Variants in NECAB1 observed in about 807,000 individuals in gnomAD.
The protein encoded by NECAB1 is N-terminal EF-hand calcium-binding protein 1.
A neutral mutation model predicts 57.5 loss-of-function variants in NECAB1; 29 were observed. The ratio of observed to expected loss-of-function variants is 0.50; its 90% CI spans 0.38 to 0.69. The LOEUF (loss-of-function observed/expected upper bound fraction) is 0.69, where lower values mean the gene tolerates loss of function less well. NECAB1 is among the 30% of genes least tolerant of loss of function. NECAB1 has a pLI of 0.00. For missense variants in NECAB1, 372 were observed against 413.8 expected, an observed-to-expected ratio of 0.90 and a Z score of 0.88; for synonymous variants, 142 against 147.7, an observed-to-expected ratio of 0.96 and a Z score of 0.28.
chr8:90,830,362 G>T (rs1812283262), intron 3 of NECAB1, among the ~76,000 whole-genome samples: 1 of 152,070 alleles, frequency 6.6e-6, no homozygotes, highest in Non-Finnish European at 1.5e-5. Flanking sequence ...ACTCAGCTAA[G>T]CAAGTGTGGT....
intron 3 of NECAB1, among the ~76,000 whole-genome samples, chr8:90,833,063 G>A (rs542807539): frequency 1.3e-5 from 2 of 152,102 alleles, no homozygotes; most frequent in African/African-American, 4.8e-5. Flanking sequence ...TATCTATTAT[G>A]TAGGGTTTTT....
intron 3 of NECAB1, among the ~76,000 whole-genome samples, chr8:90,838,804 A>G (rs1245524357): frequency 6.6e-6 from 1 of 152,294 alleles, no homozygotes; most frequent in South Asian, 2.1e-4. Context: ...TTCCAAACTC[A>G]TGACAGAAAT....
chr8:90,871,404 C>A (rs754223360), intron 3 of NECAB1, among the ~76,000 whole-genome samples: 2 of 151,940 alleles, frequency 1.3e-5, no homozygotes, highest in Non-Finnish European at 2.9e-5. Context: ...TGTACCATAC[C>A]TTTCTTGGTA....
At chr8:90,897,647 AC>A (rs1308973835) in intron 5 of NECAB1, among the ~76,000 whole-genome samples, 1 of 152,366 alleles carries the variant, frequency 6.6e-6, no homozygotes, top group East Asian at 1.9e-4. Context: ...AAAACAAAAA[AC>A]TATCAATTCT....
chr8:90,946,731 C>A (rs938104755), intron 10 of NECAB1, among the ~76,000 whole-genome samples: 1 of 152,162 alleles, frequency 6.6e-6, no homozygotes, highest in Non-Finnish European at 1.5e-5. Flanking sequence ...CCTGAAGATG[C>A]AAATGTTTTC....
intron 10 of NECAB1, among the ~76,000 whole-genome samples, chr8:90,947,255 G>A (rs528324939): frequency 1.1e-4 from 15 of 142,184 alleles, no homozygotes; most frequent in South Asian, 4.5e-4. Flanking sequence ...ATAGCTACTC[G>A]CCCAATAAAA....
Position 90,951,189 on chromosome 8 carries a change from A to G in NECAB1, c.1015A>G (p.Thr339Ala), listed in dbSNP as rs1810917067. The G allele has an allele frequency of 2.5e-6, 4 of 1,587,330 alleles. No homozygotes were observed. Among genetic ancestry groups the G allele is most frequent in the African/African-American group, 1.4e-5 (1 of 73,760 alleles). The stretch of plus-strand genomic sequence containing the variant: ...CTTGGAAACTCCAGAACTCACATCT[A>G]CAATGCTAGTTCCTGGTAATTATCC... ...DFLETPELTSTMLVPASWWIL... is the reference protein window; with the variant it reads ...DFLETPELTSAMLVPASWWIL... The change falls in exon 12 of 13, where the codon ACA becomes GCA. Residue 339 changes from threonine (T) to alanine (A), a missense_variant. Physicochemically the swap from Thr to Ala is moderately conservative, Grantham distance 58. Transcript: ENST00000417640.
intron 3 of NECAB1, among the ~76,000 whole-genome samples, chr8:90,869,356 G>C (rs772909577): frequency 1.3e-5 from 2 of 152,178 alleles, no homozygotes; most frequent in African/African-American, 2.4e-5. Flanking sequence ...GGCCATCATC[G>C]TCCAGACCCC....
chr8:90,952,221 G>GAA (rs200527568), intron 12 of NECAB1, among the ~76,000 whole-genome samples: 4 of 137,934 alleles, frequency 2.9e-5, no homozygotes, highest in African/African-American at 2.6e-5. Flanking sequence ...GGCCAGGGAA[G>GAA]AAAAAAAAAA....
At chr8:90,823,436 T>C (rs1812177276) in intron 2 of NECAB1, among the ~76,000 whole-genome samples, 1 of 151,874 alleles carries the variant, frequency 6.6e-6, no homozygotes, top group Admixed American at 6.6e-5. Flanking sequence ...AAAAAATAAG[T>C]AATTCTATGA....
intron 7 of NECAB1, among the ~76,000 whole-genome samples, chr8:90,926,271 G>C (rs143621489): frequency 3.5e-4 from 54 of 152,234 alleles, no homozygotes; most frequent in African/African-American, 1.2e-3. Flanking sequence ...TCACTTGAAC[G>C]TGTCATTTTA....
chr8:90,898,668 A>G (rs570328249), intron 5 of NECAB1, among the ~76,000 whole-genome samples: 1 of 152,264 alleles, frequency 6.6e-6, no homozygotes, highest in Non-Finnish European at 1.5e-5. Flanking sequence ...CACTTAATTC[A>G]GTGTTTATTG....
chr8:90,941,076 C>A (rs555430664), intron 10 of NECAB1, among the ~76,000 whole-genome samples, 178 bp downstream of exon 10: 1 of 152,302 alleles, frequency 6.6e-6, no homozygotes, highest in Admixed American at 6.5e-5. Flanking sequence ...TGAATGTTTT[C>A]TCTTTAATCT....
At chr8:90,934,844 G>A (rs1315441288) in intron 9 of NECAB1, among the ~76,000 whole-genome samples, 1 of 152,134 alleles carries the variant, frequency 6.6e-6, no homozygotes, top group African/African-American at 2.4e-5. Context: ...CTAGGGACAA[G>A]ATGTCCATCC....
chr8:90,953,107 C>A (rs532002832), intron 12 of NECAB1, among the ~76,000 whole-genome samples: 1 of 152,128 alleles, frequency 6.6e-6, no homozygotes, highest in Non-Finnish European at 1.5e-5. Context: ...CTCTCCCAAA[C>A]CAATGTGGAA....
intron 2 of NECAB1, among the ~76,000 whole-genome samples, chr8:90,815,845 A>AT (rs932039045): frequency 7.9e-5 from 12 of 151,892 alleles, no homozygotes; most frequent in African/African-American, 2.9e-4. Context: ...TTTGTTTCCC[A>AT]TTTTTTGTGA....
At position 90,956,943 on chromosome 8, in the gene NECAB1, CGTGTGTGTGTGTGTGTGTGTGTGTGT is replaced by C. The variant is rs66645266; in HGVS notation, c.*1448_*1473del. On this transcript the variant is annotated 3_prime_UTR_variant, in exon 13 of 13. Coordinates refer to ENST00000417640, the MANE Select transcript of NECAB1 (RefSeq NM_022351.5). Reference sequence around the variant, plus strand: ...AATTTTGATATATTGTACATACACACGTGTGTGTGTGTGTGTGTGTGTGTGTGTGTGTGTGTGTGTGTATTTGTGTG... The same window carrying C: ...AATTTTGATATATTGTACATACACACGTGTGTGTGTGTGTGTATTTGTGTG... 2,092 of 143,446 alleles carry C rather than the reference CGTGTGTGTGTGTGTGTGTGTGTGTGT, an allele frequency of 0.015. 29 individuals carry two copies. The highest frequency in any genetic ancestry group is 0.025 in the Non-Finnish European group (1,616 of 65,238). The allele number at this position is 143,446 out of a possible 1,614,324, so 8.9% of individuals were successfully genotyped here.
intron 5 of NECAB1, among the ~76,000 whole-genome samples, chr8:90,889,339 A>C (rs936284710): frequency 6.6e-6 from 1 of 152,238 alleles, no homozygotes; most frequent in Non-Finnish European, 1.5e-5. Context: ...CACACAGCTG[A>C]GATGTGGATA....
At chr8:90,866,023 A>C (rs187276848) in intron 3 of NECAB1, among the ~76,000 whole-genome samples, 152 of 152,302 alleles carry the variant, frequency 1.0e-3, no homozygotes, top group African/African-American at 3.0e-3. Context: ...TTACAAATAT[A>C]ATTCATGGAA....
Sources: allele counts gnomAD v4.1 joint callset (sites outside exome capture counted in the v4.1 genomes callset), GRCh38; gene constraint gnomAD v4.1.1; transcripts MANE v1.5; gene names NCBI Gene and HGNC (gene_info 2026-07-23, HGNC 2026-07-21).